TLE3: variants seen among roughly 807,000 people sequenced by gnomAD.
The protein encoded by TLE3 is TLE family member 3, transcriptional corepressor, also known as transducin-like enhancer protein 3.
A neutral mutation model predicts 93.0 loss-of-function variants in TLE3; 14 were observed. The ratio of observed to expected loss-of-function variants is 0.15; its 90% CI spans 0.10 to 0.24. The LOEUF (loss-of-function observed/expected upper bound fraction) is 0.24, where lower values mean the gene tolerates loss of function less well. Among genes scored for constraint, TLE3 ranks in the 10% least tolerant of loss-of-function variants. The probability of loss-of-function intolerance (pLI) is 1.00; values close to 1 mark genes in which losing one functional copy is unlikely to be tolerated. For synonymous variants in TLE3, 451 were observed against 425.0 expected (o/e 1.06, Z -0.75); for missense variants, 693 against 1,046.6 (o/e 0.66, Z 4.66).
intron 4 of TLE3, among the ~76,000 whole-genome samples, chr15:70,090,884 C>T (rs1017608853): frequency 2.0e-5 from 3 of 152,174 alleles, no homozygotes; most frequent in East Asian, 3.8e-4. Context: ...GCACTTTGGA[C>T]TTTGGTGGGG....
chr15:70,097,670 G>A lies in TLE3; in HGVS notation c.-872C>T, dbSNP rs1358009005. The A allele has an allele frequency of 5.0e-6, 2 of 397,914 alleles. No homozygotes were observed. The highest frequency in any genetic ancestry group is 8.9e-6 in the Non-Finnish European group (2 of 225,572). The allele number at this position is 397,914 out of a possible 1,614,324, so 24.6% of individuals were successfully genotyped here. A position where few individuals can be genotyped will look rare whatever the true frequency, so the allele number is the denominator to read the frequency against. On this transcript the variant is annotated 5_prime_UTR_variant, in exon 1 of 20. Transcript: ENST00000451782. Reference sequence around the variant, plus strand: ...CGTCGGAGCGCACAGGCAGGAGAGCGCTGGAGGGGAGACGCAGCCCGAGAC... The same window carrying A: ...CGTCGGAGCGCACAGGCAGGAGAGCACTGGAGGGGAGACGCAGCCCGAGAC...
In TLE3 at chr15:70,076,093, T is replaced by C. The variant is rs2291986; in HGVS notation, c.297+3A>G. The C allele has an allele frequency of 0.24, 382,898 of 1,611,848 alleles. 47,088 individuals are homozygous for C. Among genetic ancestry groups the C allele is most frequent in the East Asian group, 0.35 (15,603 of 44,832 alleles). ...AGGAAGAAATAATAAAAGAAGGTCTTACCTCTTGTGACAGGAAAGGCATGA... is the reference window on the plus strand; with the variant it reads ...AGGAAGAAATAATAAAAGAAGGTCTCACCTCTTGTGACAGGAAAGGCATGA... On this transcript the variant is annotated splice_donor_region_variant and intron_variant, in intron 5 of 19. Transcript: ENST00000451782.
At chr15:70,057,391 AC>A in intron 13 of TLE3, 67 bp downstream of exon 13, 1 of 1,503,432 alleles carries the variant, frequency 6.7e-7, no homozygotes, top group Admixed American at 2.1e-5. Context: ...TGTGGGGAGC[AC>A]CCGTCCAACC....
intron 4 of TLE3, among the ~76,000 whole-genome samples, chr15:70,080,337 T>C (rs2057709312): frequency 1.3e-5 from 2 of 152,138 alleles, no homozygotes; most frequent in Admixed American, 6.5e-5. Context: ...TTGGAAAAGG[T>C]GTTCAGGGAG....
chr15:70,064,345 G>A, intron 8 of TLE3, 109 bp downstream of exon 8: 1 of 1,381,440 alleles, frequency 7.2e-7, no homozygotes, highest in Non-Finnish European at 1.0e-6. Context: ...CCAGAAGCCA[G>A]CTTTGGATAC....
intron 19 of TLE3, 181 bp from the exon 20 acceptor site, chr15:70,050,385 T>G: frequency 1.8e-6 from 1 of 541,426 alleles, no homozygotes; most frequent in Non-Finnish European, 3.3e-6. Flanking sequence ...TGGGGGAGGC[T>G]TTAAAGCACC....
intron 4 of TLE3, among the ~76,000 whole-genome samples, chr15:70,077,314 C>G (rs938980541): frequency 1.3e-5 from 2 of 152,204 alleles, no homozygotes; most frequent in African/African-American, 4.8e-5. Context: ...TTATCTCATT[C>G]TGAATCCTGA....
At chr15:70,052,251 G>C (rs1479839641) in intron 18 of TLE3, 123 bp downstream of exon 18, 4 of 1,270,722 alleles carry the variant, frequency 3.1e-6, no homozygotes, top group Non-Finnish European at 2.2e-6. Context: ...TCAGGGGTCA[G>C]GAGGCCTGGT....
intron 6 of TLE3, among the ~76,000 whole-genome samples, chr15:70,067,681 G>A (rs922717930): frequency 6.6e-6 from 1 of 152,206 alleles, no homozygotes; most frequent in African/African-American, 2.4e-5. Flanking sequence ...GCTCTGGCAG[G>A]AGGAGGCAGT....
chr15:70,069,262 T>A (rs2141699816), intron 6 of TLE3, among the ~76,000 whole-genome samples: 1 of 152,318 alleles, frequency 6.6e-6, no homozygotes, highest in Non-Finnish European at 1.5e-5. Context: ...GCCTCCCAGC[T>A]CCATGCCTTC....
At chr15:70,052,624 G>T in intron 17 of TLE3, 100 bp from the exon 18 acceptor site, 1 of 1,392,300 alleles carries the variant, frequency 7.2e-7, no homozygotes, top group Non-Finnish European at 9.6e-7. Flanking sequence ...TGAGGCTCAG[G>T]GTCCCTCCCC....
At chr15:70,062,762 A>G (rs925049206) in intron 8 of TLE3, among the ~76,000 whole-genome samples, 2 of 151,224 alleles carry the variant, frequency 1.3e-5, no homozygotes, top group East Asian at 2.0e-4. Context: ...TTCAGTCTAC[A>G]CCGCCGCTGA....
intron 4 of TLE3, among the ~76,000 whole-genome samples, chr15:70,088,876 C>T (rs1190513832): frequency 6.6e-6 from 1 of 151,878 alleles, no homozygotes; most frequent in African/African-American, 2.4e-5. Context: ...GAGCGGGCCC[C>T]CGCCCCCGCC....
At chr15:70,056,449 AC>A (rs2056041326) in intron 13 of TLE3, 75 bp from the exon 14 acceptor site, 2 of 1,414,698 alleles carry the variant, frequency 1.4e-6, no homozygotes, top group Non-Finnish European at 2.0e-6. Context: ...TCCACCACCC[AC>A]CCGGGGTCCT....
At chr15:70,081,248 G>A (rs2057763062) in intron 4 of TLE3, among the ~76,000 whole-genome samples, 2 of 152,222 alleles carry the variant, frequency 1.3e-5, no homozygotes, top group Non-Finnish European at 2.9e-5. Flanking sequence ...CCCTAATTTA[G>A]AGTTTTAGAA....
Position 70,049,514 on chromosome 15 carries a change from T to TAAAAAAAAAAA in TLE3, c.*572_*582dup. The TAAAAAAAAAAA allele has an allele frequency of 8.2e-6, 1 of 122,200 alleles. No homozygotes were observed. The highest frequency in any genetic ancestry group is 3.3e-5 in the African/African-American group (1 of 30,440). 7.6% of individuals were successfully genotyped at this position (122,200 alleles called of 1,614,324 possible). The stretch of plus-strand genomic sequence containing the variant: ...TCCCAGGTGAGAGCATCTGTTTATT[T>TAAAAAAAAAAA]AAAAAAAAAAAAAAAAAAAAGCCAC... On this transcript the variant is annotated 3_prime_UTR_variant, in exon 20 of 20. Transcript: ENST00000451782.
chr15:70,065,983 C>CCCCCCCCCCACA, intron 7 of TLE3, 31 bp downstream of exon 7: 10 of 1,466,140 alleles, frequency 6.8e-6, no homozygotes, highest in East Asian at 2.3e-5. Context: ...ACCCCTGCCC[C>CCCCCCCCCCACA]GCCCCACCCT....
intron 2 of TLE3, 198 bp from the exon 3 acceptor site, chr15:70,095,839 C>T: frequency 3.0e-6 from 2 of 672,688 alleles, no homozygotes; most frequent in South Asian, 1.9e-5. Context: ...TTCGAAACTT[C>T]CCGCGAGCCA....
chr15:70,097,714 C>T lies in TLE3; in HGVS notation c.-916G>A, dbSNP rs183570362. 2.0e-3 allele frequency: 810 copies of T among 396,228 alleles called. 16 individuals are homozygous for T. The East Asian group carries it at 0.026, about 13-fold the overall frequency. The allele number at this position is 396,228 out of a possible 1,614,324, so 24.5% of individuals were successfully genotyped here. A position where few individuals can be genotyped will look rare whatever the true frequency, so the allele number is the denominator to read the frequency against. On this transcript the variant is annotated 5_prime_UTR_variant, in exon 1 of 20. Coordinates refer to ENST00000451782, the MANE Select transcript of TLE3 (RefSeq NM_001105192.3). ...CCGAGACCGGGGAGCTCTACGGCTT[C>T]CTTCCTTCCCCTCGGCCCGGCTCTC... is the stretch of plus-strand genomic sequence containing the variant.
Sources: gnomAD v4.1 joint callset for allele counts (sites outside exome capture counted in the v4.1 genomes callset) on GRCh38, gnomAD v4.1.1 for gene constraint, MANE v1.5 for transcripts, NCBI Gene and HGNC (gene_info 2026-07-23, HGNC 2026-07-21) for gene names.